Variants in PPM1L observed in about 807,000 individuals in gnomAD.
The protein encoded by PPM1L is protein phosphatase 1L.
In PPM1L, 13 loss-of-function variants were observed where a neutral mutation model predicts 31.4. The ratio of observed to expected loss-of-function variants is 0.41; its 90% CI spans 0.27 to 0.66. The LOEUF is 0.66. Ranked by LOEUF, PPM1L falls within the 30% of genes least tolerant of loss-of-function variation. The probability of loss-of-function intolerance (pLI) is 0.29; values close to 1 mark genes in which losing one functional copy is unlikely to be tolerated. For missense variants in PPM1L, 326 were observed against 453.7 expected (o/e 0.72, Z 2.56); for synonymous variants, 184 against 175.4 (o/e 1.05, Z -0.39).
chr3:161,017,917 C>T (rs61693724), intron 2 of PPM1L, among the ~76,000 whole-genome samples: 3,641 of 152,170 alleles, frequency 0.024, 117 homozygotes, highest in African/African-American at 0.068. Context: ...TTTGAGTTTA[C>T]ACTAGAGGTT....
intron 1 of PPM1L, among the ~76,000 whole-genome samples, chr3:160,821,063 AT>A (rs1713186102): frequency 6.6e-6 from 1 of 152,018 alleles, no homozygotes; most frequent in South Asian, 2.1e-4. Context: ...GACAGCCTGT[AT>A]TTTGTAGACT....
At chr3:161,011,581 G>T (rs1717896496) in intron 2 of PPM1L, among the ~76,000 whole-genome samples, 1 of 151,500 alleles carries the variant, frequency 6.6e-6, no homozygotes, top group Non-Finnish European at 1.5e-5. Context: ...GATGGGGATG[G>T]CATTGAATCT....
chr3:161,050,211 C>T (rs1459780288), intron 2 of PPM1L, among the ~76,000 whole-genome samples: 2 of 152,192 alleles, frequency 1.3e-5, no homozygotes, highest in Non-Finnish European at 2.9e-5. Context: ...ATCAATATTT[C>T]ACTTGCATAG....
intron 1 of PPM1L, among the ~76,000 whole-genome samples, chr3:160,766,170 A>G (rs1715096963): frequency 6.6e-6 from 1 of 152,230 alleles, no homozygotes; most frequent in African/African-American, 2.4e-5. Context: ...TGAAAAGTAC[A>G]GAGCATTTTT....
intron 2 of PPM1L, among the ~76,000 whole-genome samples, chr3:161,043,904 ACTTT>A: frequency 6.6e-6 from 1 of 152,226 alleles, no homozygotes; most frequent in African/African-American, 2.4e-5. Flanking sequence ...TGGGCTTGTA[ACTTT>A]CTTGTTTCTG....
intron 2 of PPM1L, among the ~76,000 whole-genome samples, chr3:160,983,339 TCC>T (rs1172038498): frequency 6.6e-6 from 1 of 151,966 alleles, no homozygotes; most frequent in African/African-American, 2.4e-5. Flanking sequence ...TTGTAAACCT[TCC>T]CCTGCAGGAT....
intron 2 of PPM1L, among the ~76,000 whole-genome samples, chr3:161,041,290 A>G (rs1480183037): frequency 2.0e-5 from 3 of 152,156 alleles, no homozygotes; most frequent in Non-Finnish European, 4.4e-5. Context: ...TCTGGACCAA[A>G]CCAATGTATT....
chr3:161,045,271 C>T (rs1162675658), intron 2 of PPM1L, among the ~76,000 whole-genome samples: 1 of 152,206 alleles, frequency 6.6e-6, no homozygotes, highest in Non-Finnish European at 1.5e-5. Context: ...ACCAATGGAC[C>T]TGATAGACAT....
intron 1 of PPM1L, among the ~76,000 whole-genome samples, chr3:160,814,181 T>G (rs1328777842): frequency 6.6e-6 from 1 of 152,134 alleles, no homozygotes; most frequent in East Asian, 1.9e-4. Context: ...CTCATTTCAT[T>G]GCCTTCCCCT....
chr3:161,047,127 C>T (rs1488894926), intron 2 of PPM1L, among the ~76,000 whole-genome samples: 4 of 152,006 alleles, frequency 2.6e-5, no homozygotes, highest in African/African-American at 9.7e-5. Context: ...GGGTATTCAG[C>T]TAAGAAAAGA....
intron 1 of PPM1L, among the ~76,000 whole-genome samples, chr3:160,862,582 A>G (rs1711932065): frequency 2.0e-5 from 3 of 151,084 alleles, no homozygotes; most frequent in Non-Finnish European, 2.9e-5. Flanking sequence ...AACCTGTTTG[A>G]CTCAGGTCCC....
At chr3:160,968,986 TACGCGTAGAA>T (rs2108114446) in intron 2 of PPM1L, among the ~76,000 whole-genome samples, 1 of 152,318 alleles carries the variant, frequency 6.6e-6, no homozygotes, top group African/African-American at 2.4e-5. Context: ...AAAATGCACT[TACGCGTAGAA>T]AGTGAACCAG....
rs942309972 is a variant in PPM1L, at chr3:161,078,174, G to A, written c.*9017G>A. 1.3e-5 allele frequency: 2 copies of A among 152,144 alleles called. No homozygotes were observed. The highest frequency in any genetic ancestry group is 4.8e-5 in the African/African-American group (2 of 41,428). The allele number at this position is 152,144 out of a possible 1,614,324, so 9.4% of individuals were successfully genotyped here. A position where few individuals can be genotyped will look rare whatever the true frequency, so the allele number is the denominator to read the frequency against. On this transcript the variant is annotated 3_prime_UTR_variant, in exon 4 of 4. Coordinates refer to ENST00000498165, the MANE Select transcript of PPM1L (RefSeq NM_139245.4). ...AGATTAAAACCATAGATGGAGCTCA[G>A]TTATTAAGGATGGAAAGGAGGAAAG...
At chr3:160,885,131 A>G (rs1490659382) in intron 1 of PPM1L, among the ~76,000 whole-genome samples, 1 of 152,140 alleles carries the variant, frequency 6.6e-6, no homozygotes, top group Non-Finnish European at 1.5e-5. Flanking sequence ...CTCACTCCCT[A>G]TCTCCACCCC....
At chr3:160,896,203 G>A (rs1210091842) in intron 1 of PPM1L, among the ~76,000 whole-genome samples, 1 of 151,980 alleles carries the variant, frequency 6.6e-6, no homozygotes, top group African/African-American at 2.4e-5. Flanking sequence ...CTTATTTAAA[G>A]TTTAAATAAT....
intron 2 of PPM1L, among the ~76,000 whole-genome samples, chr3:161,049,826 T>C (rs1719213620): frequency 1.3e-5 from 2 of 152,198 alleles, no homozygotes; most frequent in African/African-American, 2.4e-5. Context: ...CTGCCCTCCA[T>C]CAGCCTGGTC....
intron 1 of PPM1L, among the ~76,000 whole-genome samples, chr3:160,912,468 A>G (rs1714009232): frequency 6.6e-6 from 1 of 152,236 alleles, no homozygotes; most frequent in Admixed American, 6.5e-5. Context: ...TCATACAACC[A>G]TGGACCTGCC....
rs571539336 is a variant in PPM1L, at chr3:161,019,796, G to A, written c.575-45607G>A. ...AGATGATATGTCATATAATTAGTTG[G>A]CCTTTTTCTCTAAAATCATAAACGA... On this transcript the variant is annotated intron_variant, in intron 2 of 3. Transcript: ENST00000498165. 9.7e-4 allele frequency among the ~76,000 whole-genome samples: 148 copies of A among 152,148 alleles called. 1 individual carries two copies. Among genetic ancestry groups the A allele is most frequent in the Middle Eastern group, 3.4e-3 (1 of 294 alleles).
At chr3:160,874,954 T>TCAGCCCCAGCCTTCC (rs1197272008) in intron 1 of PPM1L, among the ~76,000 whole-genome samples, 1 of 152,210 alleles carries the variant, frequency 6.6e-6, no homozygotes, top group African/African-American at 2.4e-5. Context: ...CCATGACTTC[T>TCAGCCCCAGCCTTCC]CAGCCCCAGC....
Sources: allele counts gnomAD v4.1 joint callset (sites outside exome capture counted in the v4.1 genomes callset), GRCh38; gene constraint gnomAD v4.1.1; transcripts MANE v1.5; gene names NCBI Gene and HGNC (gene_info 2026-07-23, HGNC 2026-07-21).